LRRFIP2: variants seen among roughly 807,000 people sequenced by gnomAD.
LRRFIP2 encodes the protein LRR binding FLII interacting protein 2, also known as leucine-rich repeat flightless-interacting protein 2.
Under a neutral mutation model 125.9 loss-of-function variants are expected in LRRFIP2, and 109 were observed. The ratio of observed to expected loss-of-function variants is 0.87; its 90% CI spans 0.74 to 1.01. LRRFIP2 has a LOEUF of 1.01. Ranked by LOEUF, LRRFIP2 falls within the 50% of genes least tolerant of loss-of-function variation. The pLI, the probability that LRRFIP2 is intolerant of heterozygous loss-of-function variation, is 0.00. For missense variants in LRRFIP2, 850 were observed against 862.3 expected (o/e 0.99, Z 0.18); for synonymous variants, 291 against 293.1 (o/e 0.99, Z 0.07).
Position 37,108,129 on chromosome 3 carries a change from G to A in LRRFIP2, c.658C>T (p.Pro220Ser), listed in dbSNP as rs2149395335. ...GLYNPYGPRTPSECSYYSSRI... is the reference protein window; with the variant it reads ...GLYNPYGPRTSSECSYYSSRI... ...GATGAATAATAACTGCATTCAGATGGCTATAAAGTTTCCAAGAAGAAAGGT... is the reference window on the plus strand; with the variant it reads ...GATGAATAATAACTGCATTCAGATGACTATAAAGTTTCCAAGAAGAAAGGT... The change falls in exon 13 of 28, where the codon CCA becomes TCA. Residue 220 changes from proline to serine, a missense_variant and splice_region_variant. Pro to Ser is a moderately conservative substitution (Grantham distance 74). Coordinates refer to ENST00000336686, the MANE Select transcript of LRRFIP2 (RefSeq NM_006309.4). The A allele has an allele frequency of 6.2e-7, 1 of 1,612,680 alleles. No individual in the cohort carries two copies. Among genetic ancestry groups the A allele is most frequent in the East Asian group, 2.2e-5 (1 of 44,814 alleles).
At position 37,127,654 on chromosome 3, in the gene LRRFIP2, C is replaced by T; in HGVS notation, c.204G>A (p.Lys68=). The change falls in exon 4 of 28, where the codon AAG becomes AAA. Residue 68 remains lysine, a synonymous_variant. Coordinates refer to ENST00000336686, the MANE Select transcript of LRRFIP2 (RefSeq NM_006309.4). ...CCAGCCACTTCTGAATCTGTCCCCACTTCCGATCAAAGGAATGAAGAGAGT... is the reference window on the plus strand; with the variant it reads ...CCAGCCACTTCTGAATCTGTCCCCATTTCCGATCAAAGGAATGAAGAGAGT... The part of the protein sequence containing the change: ...KEYSLHSFDR[K]WGQIQKWLED... 1 of 1,614,016 alleles carries T rather than the reference C, an allele frequency of 6.2e-7. No homozygotes were observed. Among genetic ancestry groups the T allele is most frequent in the Non-Finnish European group, 8.5e-7 (1 of 1,179,932 alleles).
rs977216300 is a variant in LRRFIP2 at position 37,060,546 on chromosome 3, A to G, written c.1750-1636T>C. ...TTGAACTCCTGACCTCAAGTCATCCACCCACCTTGGCCTCCCCAAGTGCTG... is the reference window on the plus strand; with the variant it reads ...TTGAACTCCTGACCTCAAGTCATCCGCCCACCTTGGCCTCCCCAAGTGCTG... On this transcript the variant is annotated intron_variant, in intron 24 of 27. Coordinates refer to ENST00000336686, the MANE Select transcript of LRRFIP2 (RefSeq NM_006309.4). The surrounding 1 kb of genome is among the most constrained non-coding windows in gnomAD (Gnocchi z 4.1). 3.3e-5 allele frequency among the ~76,000 whole-genome samples: 5 copies of G among 149,358 alleles called. No homozygotes were observed. Among genetic ancestry groups the G allele is most frequent in the African/African-American group, 1.2e-4 (5 of 40,446 alleles).
At chr3:37,055,304 C>T (rs2086502784) in intron 25 of LRRFIP2, 139 bp from the exon 26 acceptor site, 2 of 519,650 alleles carry the variant, frequency 3.8e-6, no homozygotes, top group East Asian at 6.8e-5. Context: ...GTGACTCACG[C>T]CTGTAATCCC....
intron 2 of LRRFIP2, among the ~76,000 whole-genome samples, chr3:37,142,379 C>A (rs549083926): frequency 2.7e-4 from 41 of 152,186 alleles, no homozygotes; most frequent in Admixed American, 2.4e-3. Flanking sequence ...GGGGCTCACA[C>A]AATCCGCCCA....
chr3:37,156,170 C>CG (rs1290041324), intron 1 of LRRFIP2, among the ~76,000 whole-genome samples: 2 of 152,088 alleles, frequency 1.3e-5, no homozygotes, highest in Non-Finnish European at 2.9e-5. Context: ...CCACCATGCT[C>CG]GGGCTATGCT....
chr3:37,118,144 C>T (rs926270717), intron 6 of LRRFIP2, among the ~76,000 whole-genome samples: 1 of 152,174 alleles, frequency 6.6e-6, no homozygotes, highest in African/African-American at 2.4e-5. Flanking sequence ...TCACTGCAGC[C>T]TCGACTTCCC....
intron 2 of LRRFIP2, among the ~76,000 whole-genome samples, chr3:37,147,769 G>A (rs892784927): frequency 6.6e-6 from 1 of 152,172 alleles, no homozygotes; most frequent in Non-Finnish European, 1.5e-5. Context: ...ATTAGTTTGT[G>A]GTCAGTCTGC....
intron 2 of LRRFIP2, among the ~76,000 whole-genome samples, chr3:37,140,866 C>T (rs1337440876): frequency 1.3e-5 from 2 of 152,112 alleles, no homozygotes; most frequent in African/African-American, 2.4e-5. Context: ...AACTACTTTG[C>T]TCCCATCAAG....
intron 4 of LRRFIP2, among the ~76,000 whole-genome samples, chr3:37,125,946 C>G (rs879264653): frequency 6.6e-6 from 1 of 152,040 alleles, no homozygotes; most frequent in African/African-American, 2.4e-5. Context: ...TAATTTTTTT[C>G]TTTTTTTCTT....
chr3:37,064,110 C>T (rs2089519567), intron 23 of LRRFIP2: 1 of 291,240 alleles, frequency 3.4e-6, no homozygotes, highest in Admixed American at 4.9e-5. Flanking sequence ...AGTAGACAGA[C>T]AACTCAAATG....
intron 15 of LRRFIP2, among the ~76,000 whole-genome samples, chr3:37,100,724 T>A (rs1002697721): frequency 3.3e-5 from 5 of 152,214 alleles, no homozygotes; most frequent in Non-Finnish European, 7.4e-5. Flanking sequence ...ATTCAGTTTT[T>A]AAGAGAACAG....
Position 37,127,656 on chromosome 3 carries a change from T to TC in LRRFIP2, c.201dup (p.Lys68GlufsTer31). On this transcript the variant is annotated frameshift_variant, in exon 4 of 28. Transcript: ENST00000336686. LOFTEE classifies it high-confidence loss of function. The stretch of plus-strand genomic sequence containing the variant: ...AGCCACTTCTGAATCTGTCCCCACT[T>TC]CCGATCAAAGGAATGAAGAGAGTAC... 1 of 1,613,956 alleles carries TC rather than the reference T, an allele frequency of 6.2e-7. No homozygotes were observed. The highest frequency in any genetic ancestry group is 8.5e-7 in the Non-Finnish European group (1 of 1,179,898).
rs1041492153 is a variant in LRRFIP2 at position 37,053,784 on chromosome 3, A to G, written c.*67T>C. On this transcript the variant is annotated 3_prime_UTR_variant, in exon 28 of 28. Coordinates refer to ENST00000336686, the MANE Select transcript of LRRFIP2 (RefSeq NM_006309.4). ...ACAGTACTAAAAGGGGTTTGTGTCA[A>G]TGGACAAAAGTCAGTCCCTCTAGGT... 1.1e-5 allele frequency: 11 copies of G among 1,019,284 alleles called. No individual in the cohort carries two copies. Among genetic ancestry groups the G allele is most frequent in the East Asian group, 2.4e-5 (1 of 42,158 alleles). The allele number at this position is 1,019,284 out of a possible 1,614,324, so 63.1% of individuals were successfully genotyped here.
chr3:37,081,053 G>A lies in LRRFIP2; in HGVS notation c.1278+2583C>T, dbSNP rs28595130. Among the ~76,000 whole-genome samples, 70 of 152,126 alleles carry A rather than the reference G, an allele frequency of 4.6e-4. 1 individual carries two copies. Among genetic ancestry groups the A allele is most frequent in the South Asian group, 1.7e-3 (8 of 4,828 alleles). On this transcript the variant is annotated intron_variant, in intron 19 of 27. Coordinates refer to ENST00000336686, the MANE Select transcript of LRRFIP2 (RefSeq NM_006309.4). ...AATCCCAACACTTTGGGAGGTCAAA[G>A]AAGGAGGATTGGGCAATACAGCAAG... is the stretch of plus-strand genomic sequence containing the variant.
intron 2 of LRRFIP2, among the ~76,000 whole-genome samples, chr3:37,145,445 G>T (rs2095834589): frequency 6.6e-6 from 1 of 152,168 alleles, no homozygotes; most frequent in Non-Finnish European, 1.5e-5. Flanking sequence ...AAAAGGTGTT[G>T]CTAGTACTGT....
At chr3:37,105,315 G>T in intron 14 of LRRFIP2, 140 bp downstream of exon 14, 1 of 683,414 alleles carries the variant, frequency 1.5e-6, no homozygotes, top group Non-Finnish European at 2.5e-6. Context: ...GTTTTATAAG[G>T]CAAAATATTT....
chr3:37,078,282 C>T lies in LRRFIP2; in HGVS notation c.1279-3166G>A, dbSNP rs1397648122. The stretch of plus-strand genomic sequence containing the variant: ...CGCAGAAAGAAACTATTTCAAGTAA[C>T]TTCTAAAAACAATAGTTTGGCCACA... On this transcript the variant is annotated intron_variant, in intron 19 of 27. Transcript: ENST00000336686. Among the ~76,000 whole-genome samples, 4 of 152,058 alleles carry T rather than the reference C, an allele frequency of 2.6e-5. No homozygotes were observed. In the East Asian group the frequency reaches 7.7e-4, roughly 29 times the overall value.
intron 2 of LRRFIP2, among the ~76,000 whole-genome samples, chr3:37,130,682 A>C (rs2095406290): frequency 6.6e-6 from 1 of 152,226 alleles, no homozygotes; most frequent in African/African-American, 2.4e-5. Flanking sequence ...GAGTATATCC[A>C]TCCTGTCTAT....
intron 15 of LRRFIP2, among the ~76,000 whole-genome samples, chr3:37,099,163 G>A (rs775133808): frequency 6.6e-6 from 1 of 152,122 alleles, no homozygotes; most frequent in Non-Finnish European, 1.5e-5. Context: ...AAGCAACCAT[G>A]CCATAGTTCT....
Sources: allele counts gnomAD v4.1 joint callset (sites outside exome capture counted in the v4.1 genomes callset), GRCh38; gene constraint gnomAD v4.1.1; non-coding constraint Gnocchi (gnomAD v3.1); transcripts MANE v1.5; gene names NCBI Gene and HGNC (gene_info 2026-07-23, HGNC 2026-07-21).